CRB1: variants seen among roughly 807,000 people sequenced by gnomAD.
CRB1 encodes the protein protein crumbs homolog 1.
In CRB1, 83 loss-of-function variants were observed where a neutral mutation model predicts 120.0. That is an observed-to-expected ratio of 0.69 (90% CI 0.58 to 0.83). The LOEUF (loss-of-function observed/expected upper bound fraction) is 0.83, where lower values mean the gene tolerates loss of function less well. Ranked by LOEUF, CRB1 falls within the 40% of genes least tolerant of loss-of-function variation. The pLI, the probability that CRB1 is intolerant of heterozygous loss-of-function variation, is 0.00. For missense variants in CRB1, 1,699 were observed against 1,687.6 expected (o/e 1.01, Z -0.12); for synonymous variants, 625 against 612.5 (o/e 1.02, Z -0.30).
intron 5 of CRB1, among the ~76,000 whole-genome samples, chr1:197,385,215 A>T (rs1205920489): frequency 2.0e-5 from 3 of 152,212 alleles, no homozygotes; most frequent in Non-Finnish European, 4.4e-5. Flanking sequence ...AATTAGTTGT[A>T]CAACTGTACA....
chr1:197,427,153 C>A (rs973996522), intron 6 of CRB1, among the ~76,000 whole-genome samples: 4 of 152,134 alleles, frequency 2.6e-5, no homozygotes, highest in Non-Finnish European at 5.9e-5. Flanking sequence ...AGGGGAGATT[C>A]TTTAGTTTAT....
At chr1:197,264,794 G>GT (rs921054184), upstream of CRB1, among the ~76,000 whole-genome samples, 443 of 142,534 alleles carry the variant, frequency 3.1e-3, 3 homozygotes, top group Middle Eastern at 7.2e-3. Context: ...GCTAACTTTT[G>GT]TTTTTTTTTT....
At chr1:197,453,955 A>G (rs1437519019) in intron 11 of CRB1, among the ~76,000 whole-genome samples, 3 of 127,770 alleles carry the variant, frequency 2.3e-5, no homozygotes, top group Middle Eastern at 7.4e-3. Flanking sequence ...TATTATTGAT[A>G]TTATTATATT....
chr1:197,418,666 G>T (rs2125463368), intron 5 of CRB1, among the ~76,000 whole-genome samples: 1 of 152,144 alleles, frequency 6.6e-6, no homozygotes, highest in Non-Finnish European at 1.5e-5. Context: ...AGATCACTTT[G>T]GTTTTGGATC....
At chr1:197,300,914 T>G (rs1053957065) in intron 1 of CRB1, among the ~76,000 whole-genome samples, 4 of 152,108 alleles carry the variant, frequency 2.6e-5, no homozygotes, top group African/African-American at 4.8e-5. Context: ...GTGCTAAATC[T>G]ACTATGTCTG....
intron 5 of CRB1, among the ~76,000 whole-genome samples, chr1:197,409,204 C>T (rs1198679648): frequency 6.6e-6 from 1 of 152,120 alleles, no homozygotes; most frequent in African/African-American, 2.4e-5. Flanking sequence ...GCTGAAGAAA[C>T]AATTCCATGC....
chr1:197,258,703 C>G, the CRB1 span, among the ~76,000 whole-genome samples: 5 of 152,278 alleles, frequency 3.3e-5, no homozygotes, highest in East Asian at 7.7e-4. Context: ...CTCTCCTTTT[C>G]TTACTCTACA....
At chr1:197,397,942 A>G (rs1288837540) in intron 5 of CRB1, among the ~76,000 whole-genome samples, 3 of 152,142 alleles carry the variant, frequency 2.0e-5, no homozygotes, top group Admixed American at 6.6e-5. Context: ...AGTGAATTAC[A>G]TATCAATAAA....
intron 10 of CRB1, chr1:197,440,289 A>T (rs1271743097): frequency 6.6e-6 from 1 of 152,364 alleles, no homozygotes; most frequent in East Asian, 1.9e-4. Context: ...TACAACAAAT[A>T]TCTCCCTGTC....
chr1:197,347,812 G>A (rs1659863412), intron 4 of CRB1, among the ~76,000 whole-genome samples: 1 of 143,840 alleles, frequency 7.0e-6, no homozygotes, highest in South Asian at 2.6e-4. Context: ...TATATGGCAG[G>A]AATATATAGA....
At chr1:197,340,545 TAGTG>T (rs1258479007) in intron 2 of CRB1, among the ~76,000 whole-genome samples, 4 of 152,014 alleles carry the variant, frequency 2.6e-5, no homozygotes, top group African/African-American at 7.2e-5. Flanking sequence ...AAGTCAATAA[TAGTG>T]AGAGCAGATG....
At chr1:197,236,102 A>G in the CRB1 span, among the ~76,000 whole-genome samples, 1 of 152,172 alleles carries the variant, frequency 6.6e-6, no homozygotes, top group East Asian at 1.9e-4. Context: ...CAGAAAATAG[A>G]CTGTAGGATT....
the CRB1 span, among the ~76,000 whole-genome samples, chr1:197,252,275 T>TC: frequency 6.6e-6 from 1 of 151,624 alleles, no homozygotes; most frequent in South Asian, 2.1e-4. Context: ...ATTTGATTTT[T>TC]TTAACCATTT....
intron 7 of CRB1, 56 bp from the exon 8 acceptor site, chr1:197,429,393 C>T: frequency 3.1e-6 from 5 of 1,589,340 alleles, no homozygotes; most frequent in Non-Finnish European, 4.3e-6. Context: ...TCACCGTCAA[C>T]ATTTTTCTAT....
intron 2 of CRB1, among the ~76,000 whole-genome samples, chr1:197,333,248 G>C (rs1658968047): frequency 6.6e-6 from 1 of 152,214 alleles, no homozygotes; most frequent in Non-Finnish European, 1.5e-5. Flanking sequence ...TTCATGGGCA[G>C]TGATTCATGA....
the CRB1 span, among the ~76,000 whole-genome samples, chr1:197,244,263 A>G: frequency 6.6e-6 from 1 of 152,068 alleles, no homozygotes; most frequent in Non-Finnish European, 1.5e-5. Flanking sequence ...CAGTTTCTTC[A>G]AAGTATGGAT....
At chr1:197,468,822 C>T (rs956925160) in intron 11 of CRB1, among the ~76,000 whole-genome samples, 14 of 152,170 alleles carry the variant, frequency 9.2e-5, no homozygotes, top group Non-Finnish European at 1.8e-4. Flanking sequence ...ATGGGCTTCT[C>T]TGGAGAGGCT....
the CRB1 span, among the ~76,000 whole-genome samples, chr1:197,211,324 T>C: frequency 2.0e-5 from 3 of 152,182 alleles, no homozygotes; most frequent in East Asian, 5.8e-4. Flanking sequence ...AAAGAAGACT[T>C]AATAATTGAA....
chr1:197,472,034 G>A lies in CRB1; in HGVS notation c.4006-5630G>A, dbSNP rs142721364. ...CCAACTGGCATGTTAAAGACACAAT[G>A]TGTTTAAAATAATTTTTCCATGAAT... On this transcript the variant is annotated intron_variant, in intron 11 of 11. Transcript: ENST00000367400. Among the ~76,000 whole-genome samples, 85 of 152,302 alleles carry A rather than the reference G, an allele frequency of 5.6e-4. No individual in the cohort carries two copies. The East Asian group carries it at 0.014, about 25-fold the overall frequency.
Sources: allele counts gnomAD v4.1 joint callset (sites outside exome capture counted in the v4.1 genomes callset), GRCh38; gene constraint gnomAD v4.1.1; transcripts MANE v1.5; gene names NCBI Gene and HGNC (gene_info 2026-07-23, HGNC 2026-07-21).